The following PPP4R3B variants were observed in gnomAD, a reference collection of about 807,000 sequenced individuals.
PPP4R3B encodes protein phosphatase 4 regulatory subunit 3B.
In PPP4R3B, 52 loss-of-function variants were observed where a neutral mutation model predicts 95.4. The ratio of observed to expected loss-of-function variants is 0.54; its 90% CI spans 0.44 to 0.69. The LOEUF (loss-of-function observed/expected upper bound fraction) is 0.69, where lower values mean the gene tolerates loss of function less well. PPP4R3B is among the 30% of genes least tolerant of loss of function. PPP4R3B has a pLI of 0.00. For synonymous variants in PPP4R3B, 407 were observed against 343.9 expected (o/e 1.18, Z -2.03); for missense variants, 1,003 against 1,005.9 (o/e 1.00, Z 0.04).
intron 12 of PPP4R3B, among the ~76,000 whole-genome samples, chr2:55,572,950 T>C (rs1410487397): frequency 7.9e-5 from 12 of 152,142 alleles, no homozygotes; most frequent in Admixed American, 7.9e-4. Flanking sequence ...AATGTGTTGG[T>C]ATGATACTGT....
At chr2:55,611,128 T>G (rs1186365717) in intron 2 of PPP4R3B, among the ~76,000 whole-genome samples, 1 of 151,936 alleles carries the variant, frequency 6.6e-6, no homozygotes, top group Admixed American at 6.6e-5. Flanking sequence ...TCCCAAAGTG[T>G]TGAGATTACA....
Position 55,548,332 on chromosome 2 carries a change from T to G in PPP4R3B, c.*1579A>C, listed in dbSNP as rs1684916059. On this transcript the variant is annotated 3_prime_UTR_variant, in exon 17 of 17. Coordinates refer to ENST00000616407, the MANE Select transcript of PPP4R3B (RefSeq NM_001122964.3). Reference sequence around the variant, plus strand: ...ACTGTAAAATTGACATATCTCAAAATGGAGTTAATTTATATTTACAACAAA... The same window carrying G: ...ACTGTAAAATTGACATATCTCAAAAGGGAGTTAATTTATATTTACAACAAA... The G allele has an allele frequency of 6.6e-6, 1 of 152,656 alleles. No homozygotes were observed. Among genetic ancestry groups the G allele is most frequent in the Non-Finnish European group, 1.5e-5 (1 of 68,032 alleles). The allele number at this position is 152,656 out of a possible 1,614,324, so 9.5% of individuals were successfully genotyped here.
intron 12 of PPP4R3B, among the ~76,000 whole-genome samples, chr2:55,573,362 T>G (rs1208591679): frequency 6.6e-6 from 1 of 152,206 alleles, no homozygotes; most frequent in Non-Finnish European, 1.5e-5. Context: ...GGACTGGTTC[T>G]GTTAGTAAAA....
chr2:55,605,774 C>T (rs942956010), intron 2 of PPP4R3B, among the ~76,000 whole-genome samples: 2 of 151,902 alleles, frequency 1.3e-5, no homozygotes, highest in African/African-American at 4.8e-5. Flanking sequence ...GGCGTGGTGG[C>T]GCGTGCCTAT....
chr2:55,612,414 T>C (rs1694291329), intron 2 of PPP4R3B, among the ~76,000 whole-genome samples: 1 of 152,176 alleles, frequency 6.6e-6, no homozygotes, highest in Non-Finnish European at 1.5e-5. Flanking sequence ...TTTGTGTAAC[T>C]TCAAATAACT....
chr2:55,568,659 G>A (rs1687602117), intron 12 of PPP4R3B, among the ~76,000 whole-genome samples: 1 of 152,198 alleles, frequency 6.6e-6, no homozygotes, highest in Non-Finnish European at 1.5e-5. Context: ...AACTACCCAG[G>A]CAGGTAGCTC....
intron 6 of PPP4R3B, among the ~76,000 whole-genome samples, chr2:55,586,142 G>C (rs943517107): frequency 6.6e-6 from 1 of 152,042 alleles, no homozygotes; most frequent in Admixed American, 6.5e-5. Context: ...GGTGAAAAAA[G>C]TTCTATTATT....
At chr2:55,603,165 G>C (rs369387686) in intron 3 of PPP4R3B, among the ~76,000 whole-genome samples, 37 of 152,144 alleles carry the variant, frequency 2.4e-4, no homozygotes, top group African/African-American at 8.4e-4. Context: ...GTTAGCCAGG[G>C]TGGTCTCGAA....
chr2:55,570,701 A>G (rs17047094), intron 12 of PPP4R3B, among the ~76,000 whole-genome samples: 20,432 of 152,222 alleles, frequency 0.13, 2,759 homozygotes, highest in African/African-American at 0.35. Flanking sequence ...TCATTAAACA[A>G]AGAACTTGTG....
chr2:55,607,946 T>C (rs1572729043), intron 2 of PPP4R3B, among the ~76,000 whole-genome samples: 1 of 152,204 alleles, frequency 6.6e-6, no homozygotes, highest in Admixed American at 6.5e-5. Context: ...AAAGAGAAGG[T>C]CCAGGTAAAC....
chr2:55,584,966 T>C, intron 7 of PPP4R3B, 85 bp downstream of exon 7: 1 of 1,019,742 alleles, frequency 9.8e-7, no homozygotes, highest in East Asian at 2.7e-5. Flanking sequence ...AAGATTAAGA[T>C]TATGTTATGT....
At chr2:55,571,227 T>C (rs887208221) in intron 12 of PPP4R3B, among the ~76,000 whole-genome samples, 7 of 151,922 alleles carry the variant, frequency 4.6e-5, no homozygotes, top group Admixed American at 6.6e-5. Flanking sequence ...GGAGAATCAC[T>C]TGAAACCGGG....
At chr2:55,572,096 T>A (rs1399658794) in intron 12 of PPP4R3B, among the ~76,000 whole-genome samples, 1 of 152,224 alleles carries the variant, frequency 6.6e-6, no homozygotes, top group African/African-American at 2.4e-5. Context: ...GAAACACTCA[T>A]TTCAAACACT....
Position 55,598,604 on chromosome 2 carries a change from T to A in PPP4R3B, c.733A>T (p.Thr245Ser). 6.2e-7 allele frequency: 1 copy of A among 1,614,148 alleles called. No homozygotes were observed. The highest frequency in any genetic ancestry group is 8.5e-7 in the Non-Finnish European group (1 of 1,180,010). The change falls in exon 4 of 17, where the codon ACT (threonine) becomes TCT (serine). Residue 245 changes from threonine to serine, a missense_variant. Thr to Ser is a moderately conservative substitution (Grantham distance 58). Coordinates refer to ENST00000616407, the MANE Select transcript of PPP4R3B (RefSeq NM_001122964.3). Reference protein sequence around the residue: ...PKRHREFLTKTAKFKEVIPIT... With the variant: ...PKRHREFLTKSAKFKEVIPIT... Reference sequence around the variant, plus strand: ...GGTATAACTTCCTTGAACTTTGCAGTTTTGGTCAAGAATTCTCTATGTCTT... The same window carrying A: ...GGTATAACTTCCTTGAACTTTGCAGATTTGGTCAAGAATTCTCTATGTCTT...
At chr2:55,564,600 A>G in intron 14 of PPP4R3B, 103 bp from the exon 15 acceptor site, 1 of 982,292 alleles carries the variant, frequency 1.0e-6, no homozygotes, top group Non-Finnish European at 1.4e-6. Context: ...AAGTAATTTT[A>G]ACTGACTATA....
intron 15 of PPP4R3B, among the ~76,000 whole-genome samples, chr2:55,563,170 T>A (rs934431699): frequency 6.6e-6 from 1 of 152,252 alleles, no homozygotes; most frequent in African/African-American, 2.4e-5. Flanking sequence ...TTTCTTAGGA[T>A]ATTTTAATAA....
At position 55,564,321 on chromosome 2, in the gene PPP4R3B, G is replaced by C. The variant is rs760364591; in HGVS notation, c.2252C>G (p.Thr751Ser). The C allele has an allele frequency of 3.1e-6, 5 of 1,608,948 alleles. No homozygotes were observed. In the South Asian group the frequency reaches 5.6e-5, roughly 18 times the overall value. ...FPDNYEKFMETKKAKESEDKE... is the reference protein window; with the variant it reads ...FPDNYEKFMESKKAKESEDKE... The stretch of plus-strand genomic sequence containing the variant: ...ATTCCGAATTTTAATACCTTTTTTA[G>C]TCTCCATAAACTTTTCATAATTATC... The change falls in exon 15 of 17, where the codon ACT becomes AGT. Residue 751 changes from threonine to serine, a missense_variant. Thr to Ser is a moderately conservative substitution (Grantham distance 58). Around this residue, in one of 3 missense-constraint regions of PPP4R3B, gnomAD observed 229 missense variants for 194.7 expected, o/e 1.18. Transcript: ENST00000616407.
intron 1 of PPP4R3B, 35 bp downstream of exon 1, chr2:55,617,109 C>G: frequency 6.3e-7 from 1 of 1,579,400 alleles, no homozygotes; most frequent in Non-Finnish European, 8.6e-7. Flanking sequence ...CAACCAGAGG[C>G]ACTATCCCCT....
chr2:55,607,930 A>C (rs1269533927), intron 2 of PPP4R3B, among the ~76,000 whole-genome samples: 1 of 152,192 alleles, frequency 6.6e-6, no homozygotes, highest in African/African-American at 2.4e-5. Context: ...GTCCAGGTAA[A>C]CATTGAAAGA....
Sources: gnomAD v4.1 joint callset for allele counts (sites outside exome capture counted in the v4.1 genomes callset) on GRCh38, gnomAD v4.1.1 for gene constraint, gnomAD v4.1.1 regional missense constraint, MANE v1.5 for transcripts, NCBI Gene and HGNC (gene_info 2026-07-23, HGNC 2026-07-21) for gene names.